CEP192: variants seen among roughly 807,000 people sequenced by gnomAD.
CEP192 encodes centrosomal protein 192.
CEP192 carries 151 observed loss-of-function variants against 271.8 expected under a neutral mutation model. That is an observed-to-expected ratio of 0.56 (90% CI 0.49 to 0.64). The LOEUF (loss-of-function observed/expected upper bound fraction) is 0.64, where lower values mean the gene tolerates loss of function less well. Ranked by LOEUF, CEP192 falls within the 30% of genes least tolerant of loss-of-function variation. The pLI is 0.00. For synonymous variants in CEP192, 995 were observed against 1,076.5 expected, an observed-to-expected ratio of 0.92 and a Z score of 1.48; for missense variants, 2,910 against 3,020.5, an observed-to-expected ratio of 0.96 and a Z score of 0.86.
At chr18:13,015,548 G>A (rs2034595689) in intron 6 of CEP192, 100 bp downstream of exon 6, 3 of 1,165,434 alleles carry the variant, frequency 2.6e-6, no homozygotes, top group African/African-American at 1.6e-5. Flanking sequence ...TGGGTTTTTT[G>A]TCCTTACCTT....
At chr18:13,100,718 A>G (rs1298740105) in intron 38 of CEP192, among the ~76,000 whole-genome samples, 1 of 152,232 alleles carries the variant, frequency 6.6e-6, no homozygotes, top group Non-Finnish European at 1.5e-5. Context: ...AACTCTGTGT[A>G]TTCCGGGAAT....
chr18:13,111,079 A>G (rs756536657), intron 40 of CEP192, among the ~76,000 whole-genome samples: 1 of 152,188 alleles, frequency 6.6e-6, no homozygotes, highest in Non-Finnish European at 1.5e-5. Flanking sequence ...CTGAGCAGCC[A>G]TCTAGGCCTC....
At chr18:13,064,383 C>T (rs2037573735) in intron 21 of CEP192, among the ~76,000 whole-genome samples, 1 of 151,760 alleles carries the variant, frequency 6.6e-6, no homozygotes, top group Non-Finnish European at 1.5e-5. Context: ...GAGGCCAAGG[C>T]AGGTGGATCA....
At chr18:13,057,227 A>G (rs1339799937) in intron 19 of CEP192, among the ~76,000 whole-genome samples, 1 of 146,074 alleles carries the variant, frequency 6.8e-6, no homozygotes, top group Non-Finnish European at 1.5e-5. Context: ...ACATCTGGAA[A>G]GTTAAAGCCT....
intron 4 of CEP192, among the ~76,000 whole-genome samples, chr18:13,010,085 G>A (rs1244054514): frequency 6.6e-6 from 1 of 152,110 alleles, no homozygotes; most frequent in Non-Finnish European, 1.5e-5. Flanking sequence ...AAGCCCAGGC[G>A]GTCAAGGTGA....
At chr18:13,096,559 G>C (rs1360121737) in intron 36 of CEP192, among the ~76,000 whole-genome samples, 1 of 152,280 alleles carries the variant, frequency 6.6e-6, no homozygotes, top group East Asian at 1.9e-4. Context: ...ATTTGAGGTG[G>C]AACAGAGTCC....
At chr18:13,116,282 A>G in intron 42 of CEP192, 95 bp from the exon 43 acceptor site, 2 of 1,160,418 alleles carry the variant, frequency 1.7e-6, no homozygotes, top group Non-Finnish European at 2.5e-6. Context: ...AGGAAAACAT[A>G]AATTAATGCA....
chr18:13,037,087 T>A, intron 11 of CEP192, 150 bp from the exon 12 acceptor site: 1 of 534,854 alleles, frequency 1.9e-6, no homozygotes. Flanking sequence ...ACTTAAGCAT[T>A]TAATACAGAT....
chr18:13,116,600 T>G, intron 43 of CEP192, 97 bp downstream of exon 43: 1 of 1,234,354 alleles, frequency 8.1e-7, no homozygotes, highest in South Asian at 1.6e-5. Flanking sequence ...ATATTTAAGT[T>G]GTAAGAATGA....
chr18:13,078,581 C>A (rs968262725), intron 30 of CEP192, among the ~76,000 whole-genome samples: 2 of 152,088 alleles, frequency 1.3e-5, no homozygotes, highest in Non-Finnish European at 2.9e-5. Context: ...TCTCCATATC[C>A]TCTCCAGCAT....
At position 13,095,549 on chromosome 18, in the gene CEP192, G is replaced by A; in HGVS notation, c.6301G>A (p.Val2101Ile). The part of the protein sequence containing the change: ...GKHGGNVSLD[V>I]LPVKGPQGSP... Reference sequence around the variant, plus strand: ...ACATGGTGGCAACGTCTCTTTGGATGTTTTACCAGTCAAAGGTCCTCAGGG... The same window carrying A: ...ACATGGTGGCAACGTCTCTTTGGATATTTTACCAGTCAAAGGTCCTCAGGG... Residue 2101 changes from valine (V) to isoleucine (I), a missense_variant, in exon 35 of 45, where the codon GTT becomes ATT. Val to Ile is a conservative substitution (Grantham distance 29, BLOSUM62 3). Transcript: ENST00000506447. The A allele has an allele frequency of 2.5e-6, 4 of 1,614,084 alleles. No individual in the cohort carries two copies. The highest frequency in any genetic ancestry group is 3.4e-6 in the Non-Finnish European group (4 of 1,179,990).
chr18:13,082,758 A>C (rs2038688503), intron 30 of CEP192, among the ~76,000 whole-genome samples: 1 of 152,084 alleles, frequency 6.6e-6, no homozygotes, highest in Non-Finnish European at 1.5e-5. Context: ...AGTGGCTAGT[A>C]CCAGTTGTTC....
chr18:13,023,183 TTAGA>T (rs1331724950), intron 9 of CEP192, among the ~76,000 whole-genome samples: 1 of 152,168 alleles, frequency 6.6e-6, no homozygotes, highest in Non-Finnish European at 1.5e-5. Context: ...TCTTATTGCA[TTAGA>T]TAGGACTTAA....
At position 13,017,346 on chromosome 18, in the gene CEP192, A is replaced by G. The variant is rs1044979642; in HGVS notation, c.789+10A>G. ...AAATGGTCTTAGACAGGTGTGTTCC[A>G]GTCTTTATGATTTTTCAGAAATTTG... On this transcript the variant is annotated intron_variant, in intron 7 of 44. Coordinates refer to ENST00000506447, the MANE Select transcript of CEP192 (RefSeq NM_032142.4). The G allele has an allele frequency of 2.0e-6, 3 of 1,503,424 alleles. No individual in the cohort carries two copies. The African/African-American group carries it at 4.3e-5, about 21-fold the overall frequency. The allele number at this position is 1,503,424 out of a possible 1,614,324, so 93.1% of individuals were successfully genotyped here. A position where few individuals can be genotyped will look rare whatever the true frequency, so the allele number is the denominator to read the frequency against.
At chr18:13,106,542 C>T (rs565707337) in intron 40 of CEP192, among the ~76,000 whole-genome samples, 2 of 151,580 alleles carry the variant, frequency 1.3e-5, no homozygotes, top group African/African-American at 4.8e-5. Context: ...CCACCTCCCC[C>T]ATCTCCCACA....
chr18:13,079,601 A>G (rs1038364734), intron 30 of CEP192, among the ~76,000 whole-genome samples: 4 of 152,134 alleles, frequency 2.6e-5, no homozygotes, highest in African/African-American at 9.7e-5. Context: ...GTTCACTCTG[A>G]TGGTAACTTC....
At chr18:13,031,022 G>C (rs141336173) in intron 11 of CEP192, among the ~76,000 whole-genome samples, 42 of 152,002 alleles carry the variant, frequency 2.8e-4, no homozygotes, top group African/African-American at 9.7e-4. Flanking sequence ...CAAAAATACA[G>C]TGAAATCTCA....
chr18:13,079,578 C>T (rs1215310782), intron 30 of CEP192, among the ~76,000 whole-genome samples: 2 of 152,238 alleles, frequency 1.3e-5, no homozygotes, highest in East Asian at 3.9e-4. Context: ...TTCTCCCATT[C>T]TGTAGGTTGC....
chr18:13,042,326 A>C lies in CEP192; in HGVS notation c.2059A>C (p.Lys687Gln). Residue 687 changes from lysine (K) to glutamine (Q), a missense_variant, in exon 15 of 45, where the codon AAA becomes CAA. Lys to Gln is a moderately conservative substitution (Grantham distance 53). Transcript: ENST00000506447. ...TGTGACGTTAACGGCTGATAAAGGC[A>C]AAACAGAGGTAGCTTCAGCCTTTCG... Reference protein sequence around the residue: ...NDVTLTADKGKTEDTFFMSNK... With the variant: ...NDVTLTADKGQTEDTFFMSNK... 1 of 1,613,956 alleles carries C rather than the reference A, an allele frequency of 6.2e-7. No individual in the cohort carries two copies. Among genetic ancestry groups the C allele is most frequent in the Non-Finnish European group, 8.5e-7 (1 of 1,179,888 alleles).
Sources: allele counts gnomAD v4.1 joint callset (sites outside exome capture counted in the v4.1 genomes callset), GRCh38; gene constraint gnomAD v4.1.1; transcripts MANE v1.5; gene names NCBI Gene and HGNC (gene_info 2026-07-23, HGNC 2026-07-21).